The following DGKH variants were observed in gnomAD, a reference collection of about 807,000 sequenced individuals.
The protein encoded by DGKH is diacylglycerol kinase eta, also known as DAG kinase eta.
DGKH carries 90 observed loss-of-function variants against 159.3 expected under a neutral mutation model. That is an observed-to-expected ratio of 0.57 (90% CI 0.48 to 0.67). DGKH has a LOEUF of 0.67. DGKH is among the 30% of genes least tolerant of loss of function. The pLI is 0.00. For missense variants in DGKH, 1,181 were observed against 1,506.1 expected, an observed-to-expected ratio of 0.78 and a Z score of 3.57; for synonymous variants, 536 against 553.8, an observed-to-expected ratio of 0.97 and a Z score of 0.45.
At chr13:42,092,686 T>C (rs1485533900) in intron 1 of DGKH, among the ~76,000 whole-genome samples, 1 of 152,080 alleles carries the variant, frequency 6.6e-6, no homozygotes, top group Non-Finnish European at 1.5e-5. Context: ...TCTGATAGTA[T>C]AAAATGGAAA....
intron 24 of DGKH, among the ~76,000 whole-genome samples, chr13:42,213,976 A>G (rs970442650): frequency 1.3e-5 from 2 of 152,194 alleles, no homozygotes; most frequent in African/African-American, 2.4e-5. Flanking sequence ...CTGGCTCTGT[A>G]TGCCTACCAC....
intron 8 of DGKH, among the ~76,000 whole-genome samples, chr13:42,166,058 G>A (rs1956306511): frequency 6.6e-6 from 1 of 152,030 alleles, no homozygotes. Flanking sequence ...AAAATATACA[G>A]GGAGGACTGT....
intron 11 of DGKH, among the ~76,000 whole-genome samples, chr13:42,171,504 A>C (rs1026474265): frequency 3.3e-5 from 5 of 151,946 alleles, no homozygotes; most frequent in African/African-American, 1.2e-4. Flanking sequence ...TCGAGTGGGG[A>C]GGTATAGCAT....
intron 3 of DGKH, among the ~76,000 whole-genome samples, chr13:42,143,763 T>A (rs1038544197): frequency 6.6e-5 from 10 of 152,192 alleles, no homozygotes; most frequent in Non-Finnish European, 1.2e-4. Flanking sequence ...TATCATTTTT[T>A]ATTGTATCTA....
intron 29 of DGKH, among the ~76,000 whole-genome samples, chr13:42,248,462 T>A (rs941510456): frequency 1.4e-5 from 2 of 147,264 alleles, no homozygotes; most frequent in Non-Finnish European, 3.0e-5. Context: ...TACATAAGTA[T>A]AATATATAAT....
chr13:42,181,693 G>T, intron 13 of DGKH: 4 of 458,638 alleles, frequency 8.7e-6, no homozygotes, highest in Admixed American at 2.5e-5. Context: ...CATGATAGTT[G>T]ACCCAGTATA....
At chr13:42,079,481 C>T (rs555952384) in intron 1 of DGKH, among the ~76,000 whole-genome samples, 5 of 152,184 alleles carry the variant, frequency 3.3e-5, no homozygotes, top group East Asian at 1.9e-4. Context: ...TCCAAGCCTC[C>T]GTTGTCTCAT....
intron 3 of DGKH, among the ~76,000 whole-genome samples, chr13:42,146,150 C>CTT (rs57139526): frequency 0.029 from 3,225 of 110,150 alleles, 197 homozygotes; most frequent in African/African-American, 0.07. Flanking sequence ...TCTGGGGAGG[C>CTT]TTTTTTTTTT....
intron 1 of DGKH, among the ~76,000 whole-genome samples, chr13:42,114,493 C>A (rs1471834764): frequency 6.6e-6 from 1 of 152,192 alleles, no homozygotes; most frequent in Non-Finnish European, 1.5e-5. Flanking sequence ...CTGAGGTGGA[C>A]ATGGCCTCTG....
chr13:42,071,750 A>G (rs1882983469), intron 1 of DGKH, among the ~76,000 whole-genome samples: 1 of 152,192 alleles, frequency 6.6e-6, no homozygotes, highest in East Asian at 1.9e-4. Context: ...ACTCATCAAG[A>G]GAGTGCAGGC....
chr13:42,047,715 C>T (rs918774596), upstream of DGKH, among the ~76,000 whole-genome samples: 7 of 152,190 alleles, frequency 4.6e-5, no homozygotes, highest in African/African-American at 1.4e-4. Context: ...ATCCCACTTC[C>T]TCCTGCTCTA....
rs1452834943 is a variant in DGKH, at chr13:42,198,546, A to G, written c.2236A>G (p.Ile746Val). The G allele has an allele frequency of 1.9e-6, 3 of 1,613,680 alleles. No homozygotes were observed. In the African/African-American group the frequency reaches 4.0e-5, roughly 22 times the overall value. Residue 746 changes from isoleucine to valine, a missense_variant, in exon 18 of 30, where the codon ATT (isoleucine) becomes GTT (valine). Physicochemically the swap from Ile to Val is conservative, Grantham distance 29 (BLOSUM62 3). This residue lies in a region of DGKH where 257 missense variants were observed against 281.5 expected (regional missense o/e 0.91). Transcript: ENST00000337343. ...SIINKMLLAN[I>V]DPFGATPFID... ...TATCAACAAAATGTTACTGGCAAAC[A>G]TTGATCCTTTTGGTGCCACGCCGTT...
chr13:42,188,008 AGGAATTAACTTCCCCAAATCCATGTTG>A (rs779224347), intron 14 of DGKH, among the ~76,000 whole-genome samples: 185 of 152,242 alleles, frequency 1.2e-3, no homozygotes, highest in Non-Finnish European at 2.4e-3. Flanking sequence ...GGGCTTGCAA[AGGAATTAACTTCCCCAAATCCATGTTG>A]GAGATGGCAG....
At chr13:42,147,519 C>G (rs1371038809) in intron 3 of DGKH, among the ~76,000 whole-genome samples, 1 of 151,948 alleles carries the variant, frequency 6.6e-6, no homozygotes, top group Non-Finnish European at 1.5e-5. Flanking sequence ...TTGAAATTTC[C>G]CATTACATAT....
chr13:42,040,706 G>C (rs1451928895), intron 1 of DGKH, among the ~76,000 whole-genome samples: 1 of 150,534 alleles, frequency 6.6e-6, no homozygotes, highest in East Asian at 2.0e-4. Flanking sequence ...AGAGCGCGGC[G>C]GAAGCCGGAG....
At chr13:42,198,710 A>G in intron 18 of DGKH, 115 bp downstream of exon 18, 2 of 962,808 alleles carry the variant, frequency 2.1e-6, no homozygotes, top group East Asian at 2.6e-5. Flanking sequence ...ATGTAAAAAA[A>G]GGATGATCAG....
In DGKH at chr13:42,069,341, T is replaced by A. The variant is rs185058835; in HGVS notation, c.192+20376T>A. 8 of 1,338,190 alleles carry A rather than the reference T, an allele frequency of 6.0e-6. No individual in the cohort carries two copies. In the South Asian group the frequency reaches 1.0e-4, roughly 17 times the overall value. The allele number at this position is 1,338,190 out of a possible 1,614,324, so 82.9% of individuals were successfully genotyped here. A position where few individuals can be genotyped will look rare whatever the true frequency, so the allele number is the denominator to read the frequency against. ...AAGAAGATGGGTACAAAGTTTCTAA[T>A]TGAGCCAGATTTGCCATTCCTTTTT... On this transcript the variant is annotated intron_variant, in intron 1 of 29. Coordinates refer to ENST00000337343, the MANE Select transcript of DGKH (RefSeq NM_178009.5).
At chr13:42,134,805 C>G (rs1955367061) in intron 3 of DGKH, among the ~76,000 whole-genome samples, 1 of 152,100 alleles carries the variant, frequency 6.6e-6, no homozygotes, top group Non-Finnish European at 1.5e-5. Context: ...GCGAACCCCC[C>G]TTGTCTACTA....
chr13:42,187,543 T>A (rs1956962220), intron 14 of DGKH, among the ~76,000 whole-genome samples: 1 of 152,056 alleles, frequency 6.6e-6, no homozygotes, highest in Non-Finnish European at 1.5e-5. Flanking sequence ...ACTCAAATAA[T>A]TTTTGTATTT....
Sources: gnomAD v4.1 joint callset for allele counts (sites outside exome capture counted in the v4.1 genomes callset) on GRCh38, gnomAD v4.1.1 for gene constraint, gnomAD v4.1.1 regional missense constraint, MANE v1.5 for transcripts, NCBI Gene and HGNC (gene_info 2026-07-23, HGNC 2026-07-21) for gene names.